Variants in UGDH observed in about 807,000 individuals in gnomAD.
The protein encoded by UGDH is UDP-glucose 6-dehydrogenase.
Under a neutral mutation model 50.6 loss-of-function variants are expected in UGDH, and 38 were observed. The observed-to-expected ratio is 0.75, with a 90% CI of 0.58 to 0.98. The LOEUF (loss-of-function observed/expected upper bound fraction) is 0.98, where lower values mean the gene tolerates loss of function less well. Ranked by LOEUF, UGDH falls within the 50% of genes least tolerant of loss-of-function variation. The pLI is 0.00. For synonymous variants in UGDH, 168 were observed against 199.9 expected, an observed-to-expected ratio of 0.84 and a Z score of 1.35; for missense variants, 465 against 606.2, an observed-to-expected ratio of 0.77 and a Z score of 2.45.
intron 2 of UGDH, 138 bp from the exon 3 acceptor site, chr4:39,514,322 G>T: frequency 1.4e-6 from 1 of 704,838 alleles, no homozygotes; most frequent in African/African-American, 1.9e-5. Flanking sequence ...AATTACCTTT[G>T]TAGACAAGTT....
At position 39,503,932 on chromosome 4, in the gene UGDH, G is replaced by A. The variant is rs367705567; in HGVS notation, c.1317C>T (p.Phe439=). ...HKKMLKPAFI[F]DGRRVLDGLH... Reference sequence around the variant, plus strand: ...GCCCATCCAGGACACGCCGTCCATCGAAGATAAAGGCTGGCTTTAGCATTT... The same window carrying A: ...GCCCATCCAGGACACGCCGTCCATCAAAGATAAAGGCTGGCTTTAGCATTT... Residue 439 remains phenylalanine, a synonymous_variant, in exon 11 of 12, where the codon TTC becomes TTT. Coordinates refer to ENST00000316423, the MANE Select transcript of UGDH (RefSeq NM_003359.4). 57 of 1,614,138 alleles carry A rather than the reference G, an allele frequency of 3.5e-5. No individual in the cohort carries two copies. The highest frequency in any genetic ancestry group is 1.6e-4 in the Middle Eastern group (1 of 6,062).
chr4:39,522,112 G>A (rs1343413120), intron 1 of UGDH, among the ~76,000 whole-genome samples: 1 of 152,176 alleles, frequency 6.6e-6, no homozygotes, highest in East Asian at 1.9e-4. Flanking sequence ...CCATAAGGTG[G>A]TTAAAGAAAA....
Position 39,521,086 on chromosome 4 carries a change from A to AG in UGDH, c.162+264_162+265insC, listed in dbSNP as rs796475826. Among the ~76,000 whole-genome samples, 163 of 148,202 alleles carry AG rather than the reference A, an allele frequency of 1.1e-3. 1 individual carries two copies. The highest frequency in any genetic ancestry group is 1.6e-3 in the Admixed American group (24 of 14,776). On this transcript the variant is annotated intron_variant, in intron 2 of 11. Transcript: ENST00000316423. Reference sequence around the variant, plus strand: ...CTCCGTCTCAAAAAAAAAAAAAAAAAAAAAGAAAACAGGAAAGAGAAAAAA... The same window carrying AG: ...CTCCGTCTCAAAAAAAAAAAAAAAAAGAAAAGAAAACAGGAAAGAGAAAAAA...
At chr4:39,511,410 G>A (rs112891733) in intron 3 of UGDH, among the ~76,000 whole-genome samples, 1,548 of 151,284 alleles carry the variant, frequency 0.01, 25 homozygotes, top group African/African-American at 0.034. Context: ...ACAGGCATGC[G>A]CCACCACACC....
At chr4:39,512,353 G>T (rs1293454752) in intron 3 of UGDH, among the ~76,000 whole-genome samples, 1 of 152,150 alleles carries the variant, frequency 6.6e-6, no homozygotes, top group African/African-American at 2.4e-5. Flanking sequence ...TTGAGTTGAG[G>T]TGTGAAAAGC....
At position 39,510,342 on chromosome 4, in the gene UGDH, T is replaced by C. The variant is rs768152502; in HGVS notation, c.663+11A>G. ...TTTAATTTAATGAAGAGTTGAATGC[T>C]ATATACTAACCAGTTTGGAAAGCTC... On this transcript the variant is annotated intron_variant, in intron 5 of 11. Transcript: ENST00000316423. 7 of 1,614,004 alleles carry C rather than the reference T, an allele frequency of 4.3e-6. No homozygotes were observed. Among genetic ancestry groups the C allele is most frequent in the Non-Finnish European group, 5.9e-6 (7 of 1,179,868 alleles).
At chr4:39,520,182 T>C (rs1746592312) in intron 2 of UGDH, among the ~76,000 whole-genome samples, 1 of 151,992 alleles carries the variant, frequency 6.6e-6, no homozygotes, top group South Asian at 2.1e-4. Flanking sequence ...CTACTAAAAA[T>C]ACAAAAATTA....
Position 39,499,389 on chromosome 4 carries a change from A to G in UGDH, c.*754T>C, listed in dbSNP as rs1034888219. ...CAAAGGAACTTTAACCAGACCATAC[A>G]TGTAAAGGCTGTTTAGCATAGCAAT... On this transcript the variant is annotated 3_prime_UTR_variant, in exon 12 of 12. Coordinates refer to ENST00000316423, the MANE Select transcript of UGDH (RefSeq NM_003359.4). The G allele has an allele frequency of 3.9e-5, 6 of 152,214 alleles. No individual in the cohort carries two copies. Among genetic ancestry groups the G allele is most frequent in the African/African-American group, 1.4e-4 (6 of 41,466 alleles). The allele number at this position is 152,214 out of a possible 1,614,324, so 9.4% of individuals were successfully genotyped here. A position where few individuals can be genotyped will look rare whatever the true frequency, so the allele number is the denominator to read the frequency against.
At chr4:39,516,384 CG>C (rs1157233241) in intron 2 of UGDH, among the ~76,000 whole-genome samples, 2 of 152,146 alleles carry the variant, frequency 1.3e-5, no homozygotes, top group Non-Finnish European at 2.9e-5. Flanking sequence ...GGACTGGCCA[CG>C]TAGATAACTG....
chr4:39,510,866 T>C lies in UGDH; in HGVS notation c.265-5A>G. On this transcript the variant is annotated splice_region_variant and splice_polypyrimidine_tract_variant and intron_variant, in intron 3 of 11. Coordinates refer to ENST00000316423, the MANE Select transcript of UGDH (RefSeq NM_003359.4). ...GGTTTTTGTTGGAGTATTCACCTGA[T>C]GTAAGTATATGGGATAAAGAACAGA... The C allele has an allele frequency of 6.2e-7, 1 of 1,614,126 alleles. No individual in the cohort carries two copies. The highest frequency in any genetic ancestry group is 8.5e-7 in the Non-Finnish European group (1 of 1,179,996).
At chr4:39,524,658 G>A (rs1042608446) in intron 1 of UGDH, among the ~76,000 whole-genome samples, 2 of 151,968 alleles carry the variant, frequency 1.3e-5, no homozygotes, top group African/African-American at 2.4e-5. Flanking sequence ...ACAGGTGTCC[G>A]CCACCATGTC....
chr4:39,527,089 A>C (rs1226343831), intron 1 of UGDH, 194 bp downstream of exon 1: 1 of 1,289,260 alleles, frequency 7.8e-7, no homozygotes, highest in African/African-American at 1.5e-5. Context: ...CCACATCCCC[A>C]GGACAGCAGT....
At chr4:39,504,240 A>G (rs1369125654) in intron 10 of UGDH, among the ~76,000 whole-genome samples, 177 bp downstream of exon 10, 2 of 151,972 alleles carry the variant, frequency 1.3e-5, no homozygotes, top group Non-Finnish European at 2.9e-5. Flanking sequence ...CCCAGGAGGC[A>G]GAGCTTGCAG....
At chr4:39,521,629 GA>G (rs1337861463) in intron 1 of UGDH, 110 bp from the exon 2 acceptor site, 1 of 918,418 alleles carries the variant, frequency 1.1e-6, no homozygotes, top group African/African-American at 1.7e-5. Context: ...CAGATATCTG[GA>G]AAGATTTCCT....
At chr4:39,527,078 A>G (rs1746933240) in intron 1 of UGDH, 2 of 1,289,410 alleles carry the variant, frequency 1.6e-6, no homozygotes, top group Non-Finnish European at 2.0e-6. Flanking sequence ...AGCCCAGACG[A>G]CCACATCCCC....
At chr4:39,513,000 G>T (rs545303629) in intron 3 of UGDH, among the ~76,000 whole-genome samples, 1 of 151,948 alleles carries the variant, frequency 6.6e-6, no homozygotes, top group Admixed American at 6.6e-5. Context: ...TAGAGACAGG[G>T]TTTCACCATG....
chr4:39,512,433 G>C (rs886319588), intron 3 of UGDH, among the ~76,000 whole-genome samples: 1 of 152,166 alleles, frequency 6.6e-6, no homozygotes, highest in Non-Finnish European at 1.5e-5. Flanking sequence ...TGTACGGAAA[G>C]GCAAAGACAG....
Position 39,518,434 on chromosome 4 carries a change from A to G in UGDH, c.162+2917T>C, listed in dbSNP as rs542951391. Among the ~76,000 whole-genome samples, 4 of 151,954 alleles carry G rather than the reference A, an allele frequency of 2.6e-5. No individual in the cohort carries two copies. In the South Asian group the frequency reaches 8.3e-4, roughly 32 times the overall value. ...CGCCAACAGGGCTCACTGCAGCCTC[A>G]GCCTCCTGGGCTCAAGTGATTCTCT... On this transcript the variant is annotated intron_variant, in intron 2 of 11. Coordinates refer to ENST00000316423, the MANE Select transcript of UGDH (RefSeq NM_003359.4).
rs963168808 is a variant in UGDH at position 39,503,789 on chromosome 4, A to T, written c.1374+86T>A. On this transcript the variant is annotated intron_variant, in intron 11 of 11. Coordinates refer to ENST00000316423, the MANE Select transcript of UGDH (RefSeq NM_003359.4). Reference sequence around the variant, plus strand: ...CTGCTGTGATGGTCTTTTGATGTCAACTTGACTAGATTATAGTCCCCAGTT... The same window carrying T: ...CTGCTGTGATGGTCTTTTGATGTCATCTTGACTAGATTATAGTCCCCAGTT... 2.5e-6 allele frequency: 3 copies of T among 1,179,496 alleles called. No homozygotes were observed. In the African/African-American group the frequency reaches 4.7e-5, roughly 18 times the overall value. 73.1% of individuals were successfully genotyped at this position (1,179,496 alleles called of 1,614,324 possible).
Sources: allele counts gnomAD v4.1 joint callset (sites outside exome capture counted in the v4.1 genomes callset), GRCh38; gene constraint gnomAD v4.1.1; transcripts MANE v1.5; gene names NCBI Gene and HGNC (gene_info 2026-07-23, HGNC 2026-07-21).